ECHDC1: variants seen among roughly 807,000 people sequenced by gnomAD.
The protein encoded by ECHDC1 is ethylmalonyl-CoA decarboxylase 1.
A neutral mutation model predicts 29.7 loss-of-function variants in ECHDC1; 29 were observed. The ratio of observed to expected loss-of-function variants is 0.98; its 90% confidence interval spans 0.73 to 1.33. The LOEUF is 1.33. Ranked by LOEUF, ECHDC1 falls within the 40% of genes most tolerant of loss-of-function variation. ECHDC1 has a pLI of 0.00. For missense variants in ECHDC1, 328 were observed against 350.0 expected, an observed-to-expected ratio of 0.94 and a Z score of 0.50; for synonymous variants, 126 against 123.1, an observed-to-expected ratio of 1.02 and a Z score of -0.15.
At position 127,290,060 on chromosome 6, in the gene ECHDC1, C is replaced by T. The variant is rs1490569445; in HGVS notation, c.715G>A (p.Ala239Thr). 2 of 1,613,608 alleles carry T rather than the reference C, an allele frequency of 1.2e-6. No homozygotes were observed. The highest frequency in any genetic ancestry group is 1.7e-6 in the Non-Finnish European group (2 of 1,179,722). The change falls in exon 6 of 6, where the codon GCA (alanine) becomes ACA (threonine). Residue 239 changes from alanine (A) to threonine (T), a missense_variant. Coordinates refer to ENST00000454859, the MANE Select transcript of ECHDC1 (RefSeq NM_001002030.2). ...ATGAATTGCTTTAGCCATTCTTGTG[C>T]CTCTTCTAGAGATTTAGTTTCATCT... The part of the protein sequence containing the change: ...SSDETKSLEE[A>T]QEWLKQFIQG...
intron 1 of ECHDC1, among the ~76,000 whole-genome samples, chr6:127,332,902 C>T (rs1288239862): frequency 2.0e-5 from 3 of 152,122 alleles, no homozygotes; most frequent in South Asian, 2.1e-4. Flanking sequence ...AAGTGATTCT[C>T]GTGCCTAAGC....
chr6:127,311,048 T>C (rs1781857669), intron 5 of ECHDC1, among the ~76,000 whole-genome samples: 1 of 152,194 alleles, frequency 6.6e-6, no homozygotes, highest in Non-Finnish European at 1.5e-5. Context: ...TAGTACAGTG[T>C]ACACATAACT....
intron 1 of ECHDC1, 111 bp from the exon 2 acceptor site, chr6:127,331,141 T>G (rs887769969): frequency 1.4e-6 from 1 of 734,560 alleles, no homozygotes; most frequent in Admixed American, 3.2e-5. Flanking sequence ...TTGGGAATAC[T>G]TCCCCATTTC....
chr6:127,335,146 TTACAA>T (rs2114699376), intron 1 of ECHDC1, among the ~76,000 whole-genome samples: 1 of 152,108 alleles, frequency 6.6e-6, no homozygotes, highest in Admixed American at 6.5e-5. Context: ...CATATAAAGG[TTACAA>T]TACAATATCT....
chr6:127,332,201 A>C (rs1374087216), intron 1 of ECHDC1, among the ~76,000 whole-genome samples: 2 of 152,168 alleles, frequency 1.3e-5, no homozygotes, highest in African/African-American at 4.8e-5. Context: ...TTGACTTCTA[A>C]TACACGAGAT....
At chr6:127,298,025 C>A (rs1045219960) in intron 5 of ECHDC1, among the ~76,000 whole-genome samples, 1 of 152,000 alleles carries the variant, frequency 6.6e-6, no homozygotes, top group Non-Finnish European at 1.5e-5. Context: ...GAAGGAGAAA[C>A]AACAAAAACA....
chr6:127,317,143 CT>C (rs1782455559), intron 3 of ECHDC1, among the ~76,000 whole-genome samples: 1 of 152,004 alleles, frequency 6.6e-6, no homozygotes. Context: ...CACGTAGTAT[CT>C]TTCTTTAATC....
chr6:127,296,947 G>A (rs1022061941), intron 5 of ECHDC1, among the ~76,000 whole-genome samples: 16 of 152,116 alleles, frequency 1.1e-4, no homozygotes, highest in South Asian at 2.1e-4. Context: ...GGAAGTTGCA[G>A]TGAGCAGTGA....
intron 4 of ECHDC1, chr6:127,316,207 T>G (rs1782358799): frequency 2.2e-6 from 1 of 462,434 alleles, no homozygotes; most frequent in Non-Finnish European, 4.0e-6. Context: ...ATATAAGCTC[T>G]TTAGGGGATA....
rs554498895 is a variant in ECHDC1, at chr6:127,333,452, T to C, written c.-2-2422A>G. ...TCTAGCTTTTGGCATGACTATAGAG[T>C]AGTTATGAACATTTTAGCATGTGTC... On this transcript the variant is annotated intron_variant, in intron 1 of 5. Coordinates refer to ENST00000454859, the MANE Select transcript of ECHDC1 (RefSeq NM_001002030.2). Among the ~76,000 whole-genome samples the C allele has an allele frequency of 2.6e-5, 4 of 152,094 alleles. No individual in the cohort carries two copies. In the South Asian group the frequency reaches 8.3e-4, roughly 32 times the overall value.
intron 1 of ECHDC1, chr6:127,341,740 A>G (rs2114723877): frequency 6.6e-6 from 1 of 152,352 alleles, no homozygotes. Context: ...CACAGGAAAT[A>G]AGTGAGATGT....
chr6:127,304,784 T>C (rs1319861825), intron 5 of ECHDC1, among the ~76,000 whole-genome samples: 1 of 152,180 alleles, frequency 6.6e-6, no homozygotes, highest in African/African-American at 2.4e-5. Flanking sequence ...GAACTTTTTA[T>C]GGCATAACTT....
rs138115952 is a variant in ECHDC1, at chr6:127,337,037, C to T, written c.-2-6007G>A. On this transcript the variant is annotated intron_variant, in intron 1 of 5. Transcript: ENST00000454859. ...AAGGGGTCTGGGGAGTCATGCCCTA[C>T]AAACCATAAATTCTCATCAGATGGG... is the stretch of plus-strand genomic sequence containing the variant. Among the ~76,000 whole-genome samples, 478 of 152,272 alleles carry T rather than the reference C, an allele frequency of 3.1e-3. 4 individuals are homozygous for T. Among genetic ancestry groups the T allele is most frequent in the African/African-American group, 0.011 (437 of 41,564 alleles).
At chr6:127,323,318 G>A (rs1783003798) in intron 3 of ECHDC1, among the ~76,000 whole-genome samples, 1 of 151,970 alleles carries the variant, frequency 6.6e-6, no homozygotes, top group African/African-American at 2.4e-5. Context: ...TTAGATCTTG[G>A]AGGGAAAAAT....
chr6:127,289,341 G>A lies in ECHDC1; in HGVS notation c.*528C>T, dbSNP rs1779911851. ...GTTCCAAATTTGTAGTGGGTAGTGAGGTACATCTTTTTTTAAATGAAGGGC... is the reference window on the plus strand; with the variant it reads ...GTTCCAAATTTGTAGTGGGTAGTGAAGTACATCTTTTTTTAAATGAAGGGC... On this transcript the variant is annotated 3_prime_UTR_variant, in exon 6 of 6. Coordinates refer to ENST00000454859, the MANE Select transcript of ECHDC1 (RefSeq NM_001002030.2). 1 of 152,302 alleles carries A rather than the reference G, an allele frequency of 6.6e-6. No homozygotes were observed. Among genetic ancestry groups the A allele is most frequent in the Admixed American group, 6.6e-5 (1 of 15,266 alleles). The allele number at this position is 152,302 out of a possible 1,614,324, so 9.4% of individuals were successfully genotyped here. A position where few individuals can be genotyped will look rare whatever the true frequency, so the allele number is the denominator to read the frequency against.
chr6:127,308,140 T>C (rs1426888864), intron 5 of ECHDC1, among the ~76,000 whole-genome samples: 1 of 152,170 alleles, frequency 6.6e-6, no homozygotes, highest in Non-Finnish European at 1.5e-5. Flanking sequence ...ACTTCCGAAC[T>C]CATTCTGTGA....
intron 3 of ECHDC1, 25 bp downstream of exon 3, chr6:127,326,977 A>C: frequency 6.2e-7 from 1 of 1,601,268 alleles, no homozygotes; most frequent in Non-Finnish European, 8.5e-7. Context: ...TGTAGAATCA[A>C]ATGCATAATT....
chr6:127,318,333 T>C (rs1404144401), intron 3 of ECHDC1, among the ~76,000 whole-genome samples: 3 of 152,196 alleles, frequency 2.0e-5, no homozygotes, highest in Non-Finnish European at 2.9e-5. Flanking sequence ...CCATCAAGAT[T>C]TTCTAAATCT....
chr6:127,295,314 T>C (rs1374132815), intron 5 of ECHDC1, among the ~76,000 whole-genome samples: 1 of 152,108 alleles, frequency 6.6e-6, no homozygotes, highest in Non-Finnish European at 1.5e-5. Context: ...GAAATGCTAA[T>C]ACCTTGGCTG....
Sources: gnomAD v4.1 joint callset for allele counts (sites outside exome capture counted in the v4.1 genomes callset) on GRCh38, gnomAD v4.1.1 for gene constraint, MANE v1.5 for transcripts, NCBI Gene and HGNC (gene_info 2026-07-23, HGNC 2026-07-21) for gene names.